The following SLC38A11 variants were observed in gnomAD, a reference collection of about 807,000 sequenced individuals.
SLC38A11 encodes solute carrier family 38 member 11.
SLC38A11 carries 51 observed loss-of-function variants against 49.4 expected under a neutral mutation model. The ratio of observed to expected loss-of-function variants is 1.03; its 90% CI spans 0.83 to 1.30. The LOEUF (loss-of-function observed/expected upper bound fraction) is 1.30, where lower values mean the gene tolerates loss of function less well. SLC38A11 is among the 50% of genes most tolerant of loss of function. The probability of loss-of-function intolerance (pLI) is 0.00; values close to 1 mark genes in which losing one functional copy is unlikely to be tolerated. For missense variants in SLC38A11, 574 were observed against 556.2 expected, an observed-to-expected ratio of 1.03 and a Z score of -0.32; for synonymous variants, 203 against 192.9, an observed-to-expected ratio of 1.05 and a Z score of -0.43.
chr2:164,951,489 G>A (rs2105520936), intron 3 of SLC38A11, among the ~76,000 whole-genome samples: 1 of 152,318 alleles, frequency 6.6e-6, no homozygotes, highest in Admixed American at 6.5e-5. Context: ...ATTAAGAGCT[G>A]TAATAACTAG....
At chr2:164,904,537 T>A (rs949524684) in intron 11 of SLC38A11, among the ~76,000 whole-genome samples, 2 of 152,152 alleles carry the variant, frequency 1.3e-5, no homozygotes, top group Non-Finnish European at 2.9e-5. Flanking sequence ...ATCTGATTCA[T>A]CTCATCTGTG....
chr2:164,938,765 T>G (rs1687546501), intron 6 of SLC38A11, among the ~76,000 whole-genome samples: 1 of 152,166 alleles, frequency 6.6e-6, no homozygotes, highest in African/African-American at 2.4e-5. Flanking sequence ...GTAAAAATAT[T>G]ATATAAACAA....
intron 1 of SLC38A11, 71 bp downstream of exon 1, chr2:164,955,138 C>A: frequency 7.0e-7 from 1 of 1,429,514 alleles, no homozygotes; most frequent in Non-Finnish European, 9.6e-7. Context: ...AGGTAGGTGA[C>A]CTGACCTGTT....
At chr2:164,947,464 A>T (rs754964400) in intron 3 of SLC38A11, among the ~76,000 whole-genome samples, 17 of 151,898 alleles carry the variant, frequency 1.1e-4, no homozygotes, top group African/African-American at 3.6e-4. Flanking sequence ...TACTAGTGTG[A>T]TCTCACTTAT....
rs114480875 is a variant in SLC38A11 at position 164,924,179 on chromosome 2, G to A, written c.618-8206C>T. ...TGTCCTTTGCAGCTACATGGATGCA[G>A]CTTGGAGGCCATTATCCTAAGCAAA... On this transcript the variant is annotated intron_variant, in intron 7 of 11. Transcript: ENST00000685975. 3.7e-3 allele frequency among the ~76,000 whole-genome samples: 562 copies of A among 152,260 alleles called. 5 individuals are homozygous for A. The highest frequency in any genetic ancestry group is 0.013 in the African/African-American group (550 of 41,542).
chr2:164,905,522 G>C (rs1003534172), intron 11 of SLC38A11, among the ~76,000 whole-genome samples: 1 of 152,136 alleles, frequency 6.6e-6, no homozygotes, highest in Non-Finnish European at 1.5e-5. Flanking sequence ...TAACAGACAT[G>C]ATGCTTGATT....
chr2:164,947,533 A>G (rs986304277), intron 3 of SLC38A11, among the ~76,000 whole-genome samples: 1 of 152,146 alleles, frequency 6.6e-6, no homozygotes, highest in Non-Finnish European at 1.5e-5. Flanking sequence ...TTTCCAGCTC[A>G]GACCCCCTTC....
At chr2:164,940,660 C>T (rs1197538929) in intron 5 of SLC38A11, among the ~76,000 whole-genome samples, 1 of 150,708 alleles carries the variant, frequency 6.6e-6, no homozygotes, top group Non-Finnish European at 1.5e-5. Flanking sequence ...TTCAAAATGA[C>T]ATAAATTTTT....
chr2:164,929,334 G>A (rs1205431335), intron 7 of SLC38A11, among the ~76,000 whole-genome samples: 1 of 151,968 alleles, frequency 6.6e-6, no homozygotes, highest in Non-Finnish European at 1.5e-5. Context: ...CTTTAGTTGG[G>A]TTCATCCTAT....
chr2:164,946,448 C>T (rs1688112553), intron 3 of SLC38A11, among the ~76,000 whole-genome samples: 1 of 151,646 alleles, frequency 6.6e-6, no homozygotes, highest in Admixed American at 6.6e-5. Context: ...CACTTGTAGT[C>T]CCAGCTACTT....
intron 7 of SLC38A11, among the ~76,000 whole-genome samples, chr2:164,920,345 A>T (rs1396611594): frequency 6.6e-6 from 1 of 152,132 alleles, no homozygotes; most frequent in Non-Finnish European, 1.5e-5. Context: ...AATATATTTT[A>T]AATAAAATGT....
chr2:164,916,601 A>T (rs967858298), intron 7 of SLC38A11, among the ~76,000 whole-genome samples: 1 of 152,154 alleles, frequency 6.6e-6, no homozygotes, highest in Non-Finnish European at 1.5e-5. Context: ...ATTAGTGAAG[A>T]AGTTGAGATT....
At chr2:164,945,828 G>A in intron 3 of SLC38A11, 101 bp from the exon 4 acceptor site, 8 of 1,349,588 alleles carry the variant, frequency 5.9e-6, no homozygotes, top group Non-Finnish European at 8.2e-6. Context: ...TTTTAAAGAA[G>A]CATTTAATTT....
intron 7 of SLC38A11, among the ~76,000 whole-genome samples, chr2:164,925,748 C>T (rs1161055009): frequency 6.6e-6 from 1 of 152,122 alleles, no homozygotes; most frequent in African/African-American, 2.4e-5. Flanking sequence ...TGCCCCACTC[C>T]ACATTCTAAT....
chr2:164,939,592 A>G (rs1012051125), intron 5 of SLC38A11, 36 bp from the exon 6 acceptor site: 4 of 1,414,650 alleles, frequency 2.8e-6, no homozygotes, highest in Admixed American at 1.8e-5. Context: ...TGTTACAGGT[A>G]TAAGTAACAC....
intron 11 of SLC38A11, among the ~76,000 whole-genome samples, chr2:164,901,657 A>G (rs1684657226): frequency 6.6e-6 from 1 of 152,078 alleles, no homozygotes; most frequent in Non-Finnish European, 1.5e-5. Flanking sequence ...CTATTTTTGG[A>G]AGCTTTGGGA....
Position 164,896,358 on chromosome 2 carries a change from G to A in SLC38A11, c.*2079C>T, listed in dbSNP as rs1159768673. ...TCCTACCAGGAGCTTTCATCTACTTGAAGAGTATGAAGCAACACCAAAGTA... is the reference window on the plus strand; with the variant it reads ...TCCTACCAGGAGCTTTCATCTACTTAAAGAGTATGAAGCAACACCAAAGTA... On this transcript the variant is annotated 3_prime_UTR_variant, in exon 12 of 12. Coordinates refer to ENST00000685975, the MANE Select transcript of SLC38A11 (RefSeq NM_001351537.2). 4 of 152,138 alleles carry A rather than the reference G, an allele frequency of 2.6e-5. No individual in the cohort carries two copies. The highest frequency in any genetic ancestry group is 5.9e-5 in the Non-Finnish European group (4 of 68,016). The allele number at this position is 152,138 out of a possible 1,614,324, so 9.4% of individuals were successfully genotyped here. A position where few individuals can be genotyped will look rare whatever the true frequency, so the allele number is the denominator to read the frequency against.
At chr2:164,918,069 A>G (rs552217802) in intron 7 of SLC38A11, among the ~76,000 whole-genome samples, 3 of 151,848 alleles carry the variant, frequency 2.0e-5, no homozygotes, top group Non-Finnish European at 4.4e-5. Context: ...TCCAGATACA[A>G]TCAGTTGTAC....
At chr2:164,951,245 T>C (rs1288027165) in intron 3 of SLC38A11, among the ~76,000 whole-genome samples, 1 of 152,184 alleles carries the variant, frequency 6.6e-6, no homozygotes, top group African/African-American at 2.4e-5. Flanking sequence ...ACAATGTATG[T>C]AAATGTTTAC....
Sources: gnomAD v4.1 joint callset for allele counts (sites outside exome capture counted in the v4.1 genomes callset) on GRCh38, gnomAD v4.1.1 for gene constraint, MANE v1.5 for transcripts, NCBI Gene and HGNC (gene_info 2026-07-23, HGNC 2026-07-21) for gene names.